The following DIP2C variants were observed in gnomAD, a reference collection of about 807,000 sequenced individuals.
DIP2C encodes disco-interacting protein 2 homolog C.
Under a neutral mutation model 192.4 loss-of-function variants are expected in DIP2C, and 33 were observed. The observed-to-expected ratio is 0.17, with a 90% confidence interval of 0.13 to 0.23. The LOEUF is 0.23. Ranked by LOEUF, DIP2C falls within the 10% of genes least tolerant of loss-of-function variation. DIP2C has a pLI of 1.00. For missense variants in DIP2C, 1,537 were observed against 2,110.1 expected (o/e 0.73, Z 5.32); for synonymous variants, 979 against 864.1 (o/e 1.13, Z -2.33).
At chr10:477,922 A>AAAGAGAGGGAAAG (rs1324119737) in intron 2 of DIP2C, among the ~76,000 whole-genome samples, 1 of 118,126 alleles carries the variant, frequency 8.5e-6, no homozygotes, top group Non-Finnish European at 1.7e-5. Context: ...AAAGACAGGA[A>AAAGAGAGGGAAAG]AAGAGAGGGA....
rs1014006788 is a variant in DIP2C at position 508,913 on chromosome 10, C to T, written c.86-22383G>A. On this transcript the variant is annotated intron_variant, in intron 1 of 36. Coordinates refer to ENST00000280886, the MANE Select transcript of DIP2C (RefSeq NM_014974.3). ...GTGCTGGAAGGCGGCCACTCTGACC[C>T]GACCGTCCACCTCCAGGGTCAGCCA... Among the ~76,000 whole-genome samples the T allele has an allele frequency of 5.9e-5, 9 of 152,294 alleles. No individual in the cohort carries two copies. The South Asian group carries it at 1.0e-3, about 18-fold the overall frequency.
intron 3 of DIP2C, among the ~76,000 whole-genome samples, chr10:470,553 T>TC (rs1164124217): frequency 1.3e-5 from 2 of 152,118 alleles, no homozygotes; most frequent in African/African-American, 4.8e-5. Flanking sequence ...CAGGCTTTTA[T>TC]CAAGAGAGAA....
chr10:476,058 G>A (rs979758903), intron 2 of DIP2C, among the ~76,000 whole-genome samples: 1 of 152,254 alleles, frequency 6.6e-6, no homozygotes, highest in Non-Finnish European at 1.5e-5. Flanking sequence ...GCTCTCAGGA[G>A]CATCACAGGA....
chr10:673,562 G>A (rs10795295), intron 1 of DIP2C, among the ~76,000 whole-genome samples: 1 of 152,212 alleles, frequency 6.6e-6, no homozygotes, highest in Non-Finnish European at 1.5e-5. Context: ...GCCGTGTGCT[G>A]CTTCTCCCTG....
rs147956497 is a variant in DIP2C, at chr10:544,066, G to A, written c.86-57536C>T. 7.9e-3 allele frequency among the ~76,000 whole-genome samples: 1,200 copies of A among 152,312 alleles called. 12 individuals are homozygous for A. The highest frequency in any genetic ancestry group is 0.012 in the Non-Finnish European group (847 of 68,038). On this transcript the variant is annotated intron_variant, in intron 1 of 36. Coordinates refer to ENST00000280886, the MANE Select transcript of DIP2C (RefSeq NM_014974.3). ...TTTCACGTTCAAGGTGACTGGTATCGTACAGTGCGTGACCTTTAGCATGAC... is the reference window on the plus strand; with the variant it reads ...TTTCACGTTCAAGGTGACTGGTATCATACAGTGCGTGACCTTTAGCATGAC...
intron 1 of DIP2C, among the ~76,000 whole-genome samples, chr10:492,436 G>A (rs746888200): frequency 9.2e-5 from 14 of 152,162 alleles, no homozygotes; most frequent in African/African-American, 1.4e-4. Flanking sequence ...TGCAAGCATC[G>A]GCAGCTTAAA....
At chr10:379,402 A>G (rs1250317569) in intron 17 of DIP2C, among the ~76,000 whole-genome samples, 1 of 152,114 alleles carries the variant, frequency 6.6e-6, no homozygotes, top group East Asian at 1.9e-4. Context: ...CATGACAGAC[A>G]TTCTATGTTG....
In DIP2C at chr10:651,463, T is replaced by C. The variant is rs1855899996; in HGVS notation, c.85+38031A>G. The C allele has an allele frequency of 1.5e-6, 1 of 657,042 alleles. No individual in the cohort carries two copies. 40.7% of individuals were successfully genotyped at this position (657,042 alleles called of 1,614,324 possible). A position where few individuals can be genotyped will look rare whatever the true frequency, so the allele number is the denominator to read the frequency against. ...TAAGTAAAAATAGCAGAAGACTTAGTAGAATGTATGAGTAACAATTACAAT... is the reference window on the plus strand; with the variant it reads ...TAAGTAAAAATAGCAGAAGACTTAGCAGAATGTATGAGTAACAATTACAAT... On this transcript the variant is annotated intron_variant, in intron 1 of 36. Coordinates refer to ENST00000280886, the MANE Select transcript of DIP2C (RefSeq NM_014974.3). The surrounding 1 kb of genome is among the most constrained non-coding windows in gnomAD (Gnocchi z 4.1).
rs142519848 is a variant in DIP2C, at chr10:307,625, G to T, written c.3986+2406C>A. On this transcript the variant is annotated intron_variant, in intron 32 of 36. Coordinates refer to ENST00000280886, the MANE Select transcript of DIP2C (RefSeq NM_014974.3). The stretch of plus-strand genomic sequence containing the variant: ...AAGGGAGAAGGGGCCCAGCCAGACG[G>T]AGGGGACCACAGACAGACCTGGTTA... 1.2e-3 allele frequency among the ~76,000 whole-genome samples: 175 copies of T among 152,110 alleles called. 1 individual carries two copies. The East Asian group carries it at 0.03, about 26-fold the overall frequency.
rs982400044 is a variant in DIP2C, at chr10:414,057, T to A, written c.913A>T (p.Met305Leu). The change falls in exon 8 of 37, where the codon ATG (methionine) becomes TTG (leucine). Residue 305 changes from methionine to leucine, a missense_variant. By Grantham distance (15) the Met-to-Leu change is conservative. Coordinates refer to ENST00000280886, the MANE Select transcript of DIP2C (RefSeq NM_014974.3). ...PKPEGAQMLA[M>L]RGEQLGVVTN... is the part of the protein sequence containing the mutation. ...ACCACGCCCAGCTGCTCTCCGCGCATGGCCAGCATCTGGGCCCCCTCCGGC... is the reference window on the plus strand; with the variant it reads ...ACCACGCCCAGCTGCTCTCCGCGCAAGGCCAGCATCTGGGCCCCCTCCGGC... The A allele has an allele frequency of 6.2e-7, 1 of 1,614,006 alleles. No homozygotes were observed. Among genetic ancestry groups the A allele is most frequent in the South Asian group, 1.1e-5 (1 of 91,062 alleles).
chr10:302,391 T>C (rs553965514), intron 32 of DIP2C, among the ~76,000 whole-genome samples: 3 of 152,306 alleles, frequency 2.0e-5, no homozygotes, highest in Admixed American at 2.0e-4. Context: ...TCCAAGCACC[T>C]GTTAAATTCA....
chr10:434,782 T>A (rs757408993), intron 4 of DIP2C, among the ~76,000 whole-genome samples: 2 of 152,210 alleles, frequency 1.3e-5, no homozygotes, highest in Non-Finnish European at 2.9e-5. Context: ...TCTCAATAGT[T>A]TAAATATTTC....
intron 14 of DIP2C, among the ~76,000 whole-genome samples, chr10:385,831 C>A (rs1297761726): frequency 1.3e-5 from 2 of 152,158 alleles, no homozygotes; most frequent in Non-Finnish European, 2.9e-5. Context: ...CCCTCTGCCA[C>A]TGGCTCGATT....
chr10:500,750 A>T (rs1047639828), intron 1 of DIP2C, among the ~76,000 whole-genome samples: 4 of 152,354 alleles, frequency 2.6e-5, no homozygotes, highest in African/African-American at 7.2e-5. Context: ...TTCTTAAACA[A>T]ATCACCTCAT....
intron 7 of DIP2C, among the ~76,000 whole-genome samples, chr10:415,405 G>A (rs1965561370): frequency 6.6e-6 from 1 of 152,220 alleles, no homozygotes; most frequent in Non-Finnish European, 1.5e-5. Context: ...CAGGAGGAGG[G>A]AGGAGACAGC....
At chr10:448,353 A>T (rs1393831134) in intron 3 of DIP2C, among the ~76,000 whole-genome samples, 6 of 136,256 alleles carry the variant, frequency 4.4e-5, no homozygotes, top group Admixed American at 1.4e-4. Context: ...GTGGGGCAGC[A>T]GGACCCACTC....
In DIP2C at chr10:337,954, TCGTGTGTGTGTGTG is replaced by T. The variant is rs201726288; in HGVS notation, c.3584+3231_3584+3244del. Among the ~76,000 whole-genome samples the T allele has an allele frequency of 1.3e-3, 171 of 128,820 alleles. 1 individual carries two copies. The East Asian group carries it at 0.021, about 16-fold the overall frequency. 84.5% of individuals were successfully genotyped at this position (128,820 alleles called of 152,430 possible). A position where few individuals can be genotyped will look rare whatever the true frequency, so the allele number is the denominator to read the frequency against. ...GTGTGTGCTGTGGAGGCCTAGACAG[TCGTGTGTGTGTGTG>T]CGTGTGTGTGTGTTGTAGAGGCCTA... On this transcript the variant is annotated intron_variant, in intron 29 of 36. Transcript: ENST00000280886.
chr10:426,866 TC>T (rs772484544), intron 4 of DIP2C, among the ~76,000 whole-genome samples: 7 of 151,614 alleles, frequency 4.6e-5, no homozygotes, highest in Non-Finnish European at 1.0e-4. Flanking sequence ...CAAACAAAAA[TC>T]CCACTTAGAT....
intron 36 of DIP2C, 110 bp downstream of exon 36, chr10:281,090 C>T: frequency 6.9e-7 from 1 of 1,455,976 alleles, no homozygotes; most frequent in African/African-American, 1.4e-5. Context: ...TGAATCGCAC[C>T]CCCTTCCCTA....
Sources: allele counts gnomAD v4.1 joint callset (sites outside exome capture counted in the v4.1 genomes callset), GRCh38; gene constraint gnomAD v4.1.1; non-coding constraint Gnocchi (gnomAD v3.1); transcripts MANE v1.5; gene names NCBI Gene and HGNC (gene_info 2026-07-23, HGNC 2026-07-21).